The following ZNF493 variants were observed in gnomAD, a reference collection of about 807,000 sequenced individuals.
ZNF493 encodes zinc finger protein 493.
Under a neutral mutation model 12.2 loss-of-function variants are expected in ZNF493, and 11 were observed. The ratio of observed to expected loss-of-function variants is 0.90; its 90% CI spans 0.57 to 1.50. ZNF493 has a LOEUF of 1.50. ZNF493 is among the 40% of genes most tolerant of loss of function. The pLI, the probability that ZNF493 is intolerant of heterozygous loss-of-function variation, is 0.00. For synonymous variants in ZNF493, 286 were observed against 302.6 expected (o/e 0.95, Z 0.57); for missense variants, 950 against 906.6 (o/e 1.05, Z -0.61).
rs185646052 is a variant in ZNF493, at chr19:21,424,991, T to C, written c.*7T>C. The C allele has an allele frequency of 6.3e-7, 1 of 1,580,690 alleles. No homozygotes were observed. Among genetic ancestry groups the C allele is most frequent in the East Asian group, 2.2e-5 (1 of 44,672 alleles). On this transcript the variant is annotated 3_prime_UTR_variant, in exon 4 of 4. Coordinates refer to ENST00000392288, the MANE Select transcript of ZNF493 (RefSeq NM_001076678.3). ...AGAGACTGTACAAAAGTGAAGAATG[T>C]GGCAAAGGCCTTTACTGCTCCTATT... is the stretch of plus-strand genomic sequence containing the variant.
chr19:21,405,412 T>G, intron 2 of ZNF493, 157 bp downstream of exon 2: 1 of 1,448,212 alleles, frequency 6.9e-7, no homozygotes, highest in Admixed American at 2.9e-5. Context: ...GAAAAAAATT[T>G]CTTCAGGATG....
At chr19:21,407,605 A>G (rs2030176814) in intron 3 of ZNF493, 3 of 978,840 alleles carry the variant, frequency 3.1e-6, no homozygotes. Flanking sequence ...AAATTTTTTT[A>G]TTTCTATTGT....
chr19:21,404,973 A>G (rs563678822), intron 1 of ZNF493, among the ~76,000 whole-genome samples, 156 bp from the exon 2 acceptor site: 20 of 151,780 alleles, frequency 1.3e-4, no homozygotes, highest in African/African-American at 4.8e-4. Context: ...ACATTAGAGA[A>G]TATTTCTGTG....
At chr19:21,398,616 C>A (rs1228146895) in intron 1 of ZNF493, 11 of 455,802 alleles carry the variant, frequency 2.4e-5, no homozygotes, top group Admixed American at 1.5e-4. Flanking sequence ...CATAAGATGA[C>A]CTGAGGTATG....
rs947593115 is a variant in ZNF493, at chr19:21,397,160, A to G, written c.-78A>G. The stretch of plus-strand genomic sequence containing the variant: ...TGTTTCTCTCTGCTGCCGGAGCTCC[A>G]GGTCTACCCTTCACTGCTCTGTGTC... On this transcript the variant is annotated 5_prime_UTR_variant, in exon 1 of 4. Transcript: ENST00000392288. The G allele has an allele frequency of 4.5e-6, 7 of 1,549,636 alleles. No individual in the cohort carries two copies. Among genetic ancestry groups the G allele is most frequent in the South Asian group, 2.2e-5 (2 of 89,786 alleles).
chr19:21,416,075 C>T (rs899492146), intron 3 of ZNF493, among the ~76,000 whole-genome samples: 4 of 152,190 alleles, frequency 2.6e-5, no homozygotes, highest in African/African-American at 9.7e-5. Context: ...CTAAAGCCTC[C>T]AGTTTCTCTT....
Position 21,405,188 on chromosome 19 carries a change from G to A in ZNF493, c.90G>A (p.Leu30=). ...IEFSLEEWQC[L]DTAQQDLYRK... is the part of the protein sequence containing the mutation. ...TCTCTCTGGAGGAGTGGCAATGCCT[G>A]GACACTGCTCAGCAGGATTTGTATA... is the stretch of plus-strand genomic sequence containing the variant. Residue 30 remains leucine (L), a synonymous_variant, in exon 2 of 4, where the codon CTG becomes CTA. Transcript: ENST00000392288. 1 of 1,614,014 alleles carries A rather than the reference G, an allele frequency of 6.2e-7. No homozygotes were observed. The highest frequency in any genetic ancestry group is 1.7e-4 in the Middle Eastern group (1 of 6,058).
chr19:21,424,099 G>T lies in ZNF493; in HGVS notation c.1440G>T (p.Arg480Ser), dbSNP rs116443717. ...GATCTTCAACCCTTACTAAACATAG[G>T]ATAATTCATACTGAAGAGAAACCCT... The part of the protein sequence containing the change: ...FKRSSTLTKH[R>S]IIHTEEKPYK... The change falls in exon 4 of 4, where the codon AGG becomes AGT. Residue 480 changes from arginine (R) to serine (S), a missense_variant. Arg to Ser is a moderately radical substitution (Grantham distance 110). Coordinates refer to ENST00000392288, the MANE Select transcript of ZNF493 (RefSeq NM_001076678.3). 1.2e-6 allele frequency: 2 copies of T among 1,604,234 alleles called. No homozygotes were observed. The highest frequency in any genetic ancestry group is 1.7e-6 in the Non-Finnish European group (2 of 1,176,636).
At chr19:21,417,752 A>G (rs887214119) in intron 3 of ZNF493, among the ~76,000 whole-genome samples, 1 of 152,268 alleles carries the variant, frequency 6.6e-6, no homozygotes, top group Middle Eastern at 3.4e-3. Flanking sequence ...GGGCCTGGGT[A>G]TTGCGAGCAG....
chr19:21,423,081 A>T lies in ZNF493; in HGVS notation c.422A>T (p.Glu141Val), dbSNP rs996413045. The T allele has an allele frequency of 1.2e-6, 2 of 1,613,574 alleles. No homozygotes were observed. Among genetic ancestry groups the T allele is most frequent in the Admixed American group, 3.3e-5 (2 of 59,948 alleles). ...AATGTGCACAAAGAAGGTTATAATG[A>T]ACTAAACCAGTATTTGACAACTACC... ...ECNVHKEGYN[E>V]LNQYLTTTQS... is the part of the protein sequence containing the mutation. The change falls in exon 4 of 4, where the codon GAA becomes GTA. Residue 141 changes from glutamate (E) to valine (V), a missense_variant. Coordinates refer to ENST00000392288, the MANE Select transcript of ZNF493 (RefSeq NM_001076678.3).
chr19:21,397,152 G>C lies in ZNF493; in HGVS notation c.-86G>C. The stretch of plus-strand genomic sequence containing the variant: ...TGGGCCATTGTTTCTCTCTGCTGCC[G>C]GAGCTCCAGGTCTACCCTTCACTGC... On this transcript the variant is annotated 5_prime_UTR_variant, in exon 1 of 4. Transcript: ENST00000392288. 3 of 1,501,602 alleles carry C rather than the reference G, an allele frequency of 2.0e-6. No individual in the cohort carries two copies. Among genetic ancestry groups the C allele is most frequent in the Middle Eastern group, 3.4e-4 (2 of 5,862 alleles). 93.0% of individuals were successfully genotyped at this position (1,501,602 alleles called of 1,614,324 possible). A position where few individuals can be genotyped will look rare whatever the true frequency, so the allele number is the denominator to read the frequency against.
chr19:21,402,400 C>A (rs1013311312), intron 1 of ZNF493, among the ~76,000 whole-genome samples: 3 of 152,148 alleles, frequency 2.0e-5, no homozygotes, highest in African/African-American at 7.2e-5. Context: ...TTGGCCCTGA[C>A]GAACTCTCTA....
At chr19:21,413,341 GC>G (rs2145288974) in intron 3 of ZNF493, 1 of 394,938 alleles carries the variant, frequency 2.5e-6, no homozygotes. Context: ...AGATAAATAT[GC>G]CCAATAAGTA....
In ZNF493 at chr19:21,404,981, GTGTTGAAAAT is replaced by G. The variant is rs1359105305; in HGVS notation, c.31-142_31-133del. 4 of 1,349,468 alleles carry G rather than the reference GTGTTGAAAAT, an allele frequency of 3.0e-6. No individual in the cohort carries two copies. In the African/African-American group the frequency reaches 5.9e-5, roughly 20 times the overall value. 83.6% of individuals were successfully genotyped at this position (1,349,468 alleles called of 1,614,324 possible). A position where few individuals can be genotyped will look rare whatever the true frequency, so the allele number is the denominator to read the frequency against. On this transcript the variant is annotated intron_variant, in intron 1 of 3. Transcript: ENST00000392288. ...AGAGAATACATTAGAGAATATTTCT[GTGTTGAAAAT>G]TGTTGGATAATTTCAGTCATTCCTG...
At position 21,397,160 on chromosome 19, in the gene ZNF493, A is replaced by T; in HGVS notation, c.-78A>T. ...TGTTTCTCTCTGCTGCCGGAGCTCC[A>T]GGTCTACCCTTCACTGCTCTGTGTC... is the stretch of plus-strand genomic sequence containing the variant. On this transcript the variant is annotated 5_prime_UTR_variant, in exon 1 of 4. Transcript: ENST00000392288. 1 of 1,549,636 alleles carries T rather than the reference A, an allele frequency of 6.5e-7. No individual in the cohort carries two copies. Among genetic ancestry groups the T allele is most frequent in the Non-Finnish European group, 8.9e-7 (1 of 1,121,734 alleles).
Position 21,423,187 on chromosome 19 carries a change from T to C in ZNF493, c.528T>C (p.His176=), listed in dbSNP as rs763331799. 1.5e-5 allele frequency: 24 copies of C among 1,613,732 alleles called. 1 individual carries two copies. The South Asian group carries it at 2.6e-4, about 18-fold the overall frequency. The change falls in exon 4 of 4, where the codon CAT becomes CAC. Residue 176 remains histidine (H), a synonymous_variant. Transcript: ENST00000392288. ...ATTCAAATAGACATAACACAAAACA[T>C]ACTGGAAAGAAACCTTTCAAATGTA... The part of the protein sequence containing the change: ...LLNSNRHNTK[H]TGKKPFKCKK...
rs148763229 is a variant in ZNF493 at position 21,424,386 on chromosome 19, A to G, written c.1727A>G (p.Lys576Arg). Residue 576 changes from lysine (K) to arginine (R), a missense_variant, in exon 4 of 4, where the codon AAA (lysine) becomes AGA (arginine). By Grantham distance (26) the Lys-to-Arg change is conservative. Coordinates refer to ENST00000392288, the MANE Select transcript of ZNF493 (RefSeq NM_001076678.3). The stretch of plus-strand genomic sequence containing the variant: ...ACTGGACACAAACCCTACAAATGTA[A>G]AGAATGTGGCAAATCCTTTAGTGTA... Reference protein sequence around the residue: ...IHTGHKPYKCKECGKSFSVFS... With the variant: ...IHTGHKPYKCRECGKSFSVFS... 116 of 1,613,344 alleles carry G rather than the reference A, an allele frequency of 7.2e-5. No homozygotes were observed. Among genetic ancestry groups the G allele is most frequent in the Non-Finnish European group, 8.9e-5 (105 of 1,179,716 alleles).
In ZNF493 at chr19:21,423,178, C is replaced by A; in HGVS notation, c.519C>A (p.Asn173Lys). 1.2e-6 allele frequency: 2 copies of A among 1,613,622 alleles called. No individual in the cohort carries two copies. The highest frequency in any genetic ancestry group is 4.5e-5 in the East Asian group (2 of 44,800). ...AACTTTTAAATTCAAATAGACATAA[C>A]ACAAAACATACTGGAAAGAAACCTT... ...FHKLLNSNRH[N>K]TKHTGKKPFK... Residue 173 changes from asparagine to lysine, a missense_variant, in exon 4 of 4, where the codon AAC becomes AAA. By Grantham distance (94) the Asn-to-Lys change is moderately conservative. Transcript: ENST00000392288.
chr19:21,424,430 C>CA lies in ZNF493; in HGVS notation c.1772dup (p.His591GlnfsTer7). ...TAGTGTATTCTCAACCCTTACTAAA[C>CA]ACAAGATAATTCATACTGATAAGAA... On this transcript the variant is annotated frameshift_variant, in exon 4 of 4. Transcript: ENST00000392288. LOFTEE classifies it low-confidence loss of function (END_TRUNC). 1 of 1,613,308 alleles carries CA rather than the reference C, an allele frequency of 6.2e-7. No homozygotes were observed. Among genetic ancestry groups the CA allele is most frequent in the Non-Finnish European group, 8.5e-7 (1 of 1,179,700 alleles).
Sources: gnomAD v4.1 joint callset for allele counts (sites outside exome capture counted in the v4.1 genomes callset) on GRCh38, gnomAD v4.1.1 for gene constraint, MANE v1.5 for transcripts, NCBI Gene and HGNC (gene_info 2026-07-23, HGNC 2026-07-21) for gene names.